The following MPZL3 variants were observed in gnomAD, a reference collection of about 807,000 sequenced individuals.
MPZL3 encodes myelin protein zero-like protein 3.
In MPZL3, 23 loss-of-function variants were observed where a neutral mutation model predicts 24.8. That is an observed-to-expected ratio of 0.93 (90% CI 0.67 to 1.31). The LOEUF is 1.31. Ranked by LOEUF, MPZL3 falls within the 40% of genes most tolerant of loss-of-function variation. The pLI, the probability that MPZL3 is intolerant of heterozygous loss-of-function variation, is 0.00. For missense variants in MPZL3, 277 were observed against 294.9 expected (o/e 0.94, Z 0.44); for synonymous variants, 99 against 106.5 (o/e 0.93, Z 0.44).
chr11:118,252,142 C>T lies in MPZL3; in HGVS notation c.73+80G>A, dbSNP rs1216855696. The T allele has an allele frequency of 7.5e-6, 11 of 1,467,110 alleles. No individual in the cohort carries two copies. The Admixed American group carries it at 1.3e-4, about 18-fold the overall frequency. 90.9% of individuals were successfully genotyped at this position (1,467,110 alleles called of 1,614,324 possible). ...GCTATGCGGGGGCTTTCTGGAGACCCCCCTACCCGGAACCGGAAAAGCGAC... is the reference window on the plus strand; with the variant it reads ...GCTATGCGGGGGCTTTCTGGAGACCTCCCTACCCGGAACCGGAAAAGCGAC... On this transcript the variant is annotated intron_variant, in intron 1 of 5. Transcript: ENST00000278949.
At chr11:118,245,630 T>C (rs1005587091) in intron 1 of MPZL3, among the ~76,000 whole-genome samples, 3 of 152,106 alleles carry the variant, frequency 2.0e-5, no homozygotes, top group African/African-American at 7.2e-5. Context: ...GAGCAGTTGG[T>C]TTAGGGCAAA....
intron 2 of MPZL3, among the ~76,000 whole-genome samples, chr11:118,237,902 C>T (rs1326035108): frequency 1.3e-5 from 2 of 152,026 alleles, no homozygotes; most frequent in South Asian, 2.1e-4. Context: ...TTTGGGAGGC[C>T]GAGGTGAGCA....
intron 3 of MPZL3, among the ~76,000 whole-genome samples, chr11:118,236,192 C>T (rs1949423569): frequency 6.6e-6 from 1 of 152,136 alleles, no homozygotes; most frequent in Non-Finnish European, 1.5e-5. Flanking sequence ...TCCAGCAAAA[C>T]TGTATCATTT....
At chr11:118,239,794 C>T (rs547643839) in intron 2 of MPZL3, among the ~76,000 whole-genome samples, 1 of 152,220 alleles carries the variant, frequency 6.6e-6, no homozygotes, top group Admixed American at 6.5e-5. Flanking sequence ...ACAGATACAC[C>T]CATTGAGACA....
At chr11:118,251,729 C>T (rs1478652000) in intron 1 of MPZL3, among the ~76,000 whole-genome samples, 2 of 152,176 alleles carry the variant, frequency 1.3e-5, no homozygotes, top group Non-Finnish European at 2.9e-5. Context: ...CATCACATCC[C>T]TTCTGTGACT....
Position 118,229,058 on chromosome 11 carries a change from C to G in MPZL3, c.*836G>C, listed in dbSNP as rs1949311927. 1 of 142,314 alleles carries G rather than the reference C, an allele frequency of 7.0e-6. No individual in the cohort carries two copies. The highest frequency in any genetic ancestry group is 1.5e-5 in the Non-Finnish European group (1 of 67,416). The allele number at this position is 142,314 out of a possible 1,614,324, so 8.8% of individuals were successfully genotyped here. ...ACAAGAATCGCTTGAACCCAGGAGG[C>G]AGAGGTTGCAGTGAGCCAAGATCAC... On this transcript the variant is annotated 3_prime_UTR_variant, in exon 6 of 6. Transcript: ENST00000278949.
chr11:118,233,803 G>A (rs1455160669), intron 4 of MPZL3, among the ~76,000 whole-genome samples: 1 of 152,116 alleles, frequency 6.6e-6, no homozygotes, highest in African/African-American at 2.4e-5. Context: ...AGACCAGCCT[G>A]GCCAACATGA....
In MPZL3 at chr11:118,228,709, G is replaced by C. The variant is rs2058605621; in HGVS notation, c.*1185C>G. The C allele has an allele frequency of 1.2e-5, 1 of 84,656 alleles. No individual in the cohort carries two copies. The highest frequency in any genetic ancestry group is 4.7e-4 in the South Asian group (1 of 2,138). The allele number at this position is 84,656 out of a possible 1,614,324, so 5.2% of individuals were successfully genotyped here. On this transcript the variant is annotated 3_prime_UTR_variant, in exon 6 of 6. Coordinates refer to ENST00000278949, the MANE Select transcript of MPZL3 (RefSeq NM_198275.3). The stretch of plus-strand genomic sequence containing the variant: ...AACAAAGTTTTGAAAAACAATACAA[G>C]TGAAAAGATGATTTAATTTGCAAAG...
intron 1 of MPZL3, among the ~76,000 whole-genome samples, chr11:118,251,537 G>T (rs1271815757): frequency 6.6e-6 from 1 of 152,000 alleles, no homozygotes; most frequent in African/African-American, 2.4e-5. Flanking sequence ...TATGCAATTT[G>T]AAAATTATAT....
At chr11:118,235,674 C>T (rs1949416757) in intron 3 of MPZL3, 85 bp from the exon 4 acceptor site, 9 of 1,334,004 alleles carry the variant, frequency 6.7e-6, no homozygotes, top group Non-Finnish European at 1.0e-6. Context: ...TACTTTTGCT[C>T]TTATATTTCT....
chr11:118,245,037 C>G (rs895731243), intron 1 of MPZL3, among the ~76,000 whole-genome samples: 11 of 152,224 alleles, frequency 7.2e-5, no homozygotes, highest in African/African-American at 2.6e-4. Context: ...AATCGCACCA[C>G]TACACTCCAG....
chr11:118,235,316 C>G, intron 4 of MPZL3, 108 bp downstream of exon 4: 1 of 1,320,974 alleles, frequency 7.6e-7, no homozygotes, highest in Middle Eastern at 2.8e-4. Flanking sequence ...GAAAGTTCAC[C>G]AGCAGAACTA....
intron 1 of MPZL3, among the ~76,000 whole-genome samples, chr11:118,250,300 C>G (rs1949604925): frequency 6.7e-6 from 1 of 149,414 alleles, no homozygotes; most frequent in Admixed American, 6.8e-5. Flanking sequence ...GCTAGGATTA[C>G]AGATATTATT....
intron 1 of MPZL3, among the ~76,000 whole-genome samples, chr11:118,251,106 TGTGTGTGTGTGTGA>T (rs1227757596): frequency 6.6e-6 from 1 of 151,120 alleles, no homozygotes; most frequent in South Asian, 2.1e-4. Flanking sequence ...TGTGTGTGTG[TGTGTGTGTGTGTGA>T]AAGAGAGAGA....
chr11:118,243,907 C>A (rs1008633653), intron 1 of MPZL3, among the ~76,000 whole-genome samples: 1 of 152,180 alleles, frequency 6.6e-6, no homozygotes, highest in African/African-American at 2.4e-5. Context: ...ACTCTAGTTA[C>A]CAACTACTGC....
intron 1 of MPZL3, among the ~76,000 whole-genome samples, chr11:118,244,420 T>C (rs1304313124): frequency 6.6e-6 from 1 of 152,000 alleles, no homozygotes; most frequent in African/African-American, 2.4e-5. Context: ...CCTGTTATGA[T>C]GGGGGAGAGG....
In MPZL3 at chr11:118,252,351, G is replaced by T. The variant is rs533393833; in HGVS notation, c.-57C>A. The T allele has an allele frequency of 3.2e-5, 50 of 1,554,286 alleles. No homozygotes were observed. Among genetic ancestry groups the T allele is most frequent in the Non-Finnish European group, 4.3e-5 (48 of 1,129,138 alleles). ...GTTTACAGCTCCCGGTAACGACACA[G>T]GTAACACCGGAAGTGACGTCAGAGC... On this transcript the variant is annotated 5_prime_UTR_variant, in exon 1 of 6. It adds an upstream start codon to the 5' untranslated region. Coordinates refer to ENST00000278949, the MANE Select transcript of MPZL3 (RefSeq NM_198275.3).
chr11:118,238,369 A>C (rs922233115), intron 2 of MPZL3, among the ~76,000 whole-genome samples: 11 of 152,232 alleles, frequency 7.2e-5, no homozygotes, highest in African/African-American at 2.4e-4. Context: ...TTGAATTAAA[A>C]TAATGCTGCC....
intron 1 of MPZL3, among the ~76,000 whole-genome samples, chr11:118,251,696 A>G (rs954152812): frequency 2.6e-5 from 4 of 152,216 alleles, no homozygotes; most frequent in Admixed American, 6.5e-5. Context: ...TTTTTCATCG[A>G]TATGCTTCTC....
Sources: gnomAD v4.1 joint callset for allele counts (sites outside exome capture counted in the v4.1 genomes callset) on GRCh38, gnomAD v4.1.1 for gene constraint, MANE v1.5 for transcripts, NCBI Gene and HGNC (gene_info 2026-07-23, HGNC 2026-07-21) for gene names.